Variants in VAV2 observed in about 807,000 individuals in gnomAD.
The protein encoded by VAV2 is guanine nucleotide exchange factor VAV2.
In VAV2, 67 loss-of-function variants were observed where a neutral mutation model predicts 132.5. The ratio of observed to expected loss-of-function variants is 0.51; its 90% confidence interval spans 0.42 to 0.62. The LOEUF (loss-of-function observed/expected upper bound fraction) is 0.62. Among genes scored for constraint, VAV2 ranks in the 20% least tolerant of loss-of-function variants. VAV2 has a pLI of 0.00. For missense variants in VAV2, 938 were observed against 1,153.6 expected (o/e 0.81, Z 2.71); for synonymous variants, 492 against 443.5 (o/e 1.11, Z -1.37).
intron 25 of VAV2, among the ~76,000 whole-genome samples, chr9:133,773,219 T>C (rs760983300): frequency 6.6e-6 from 1 of 151,548 alleles, no homozygotes; most frequent in Non-Finnish European, 1.5e-5. Context: ...GCAAAGCCTA[T>C]TGCTCCCGGG....
At chr9:133,915,230 C>A (rs1486733106) in intron 2 of VAV2, among the ~76,000 whole-genome samples, 1 of 152,174 alleles carries the variant, frequency 6.6e-6, no homozygotes, top group African/African-American at 2.4e-5. Context: ...GTGGGGACAT[C>A]CACAGCTGGA....
chr9:133,874,591 C>G (rs1362525550), intron 2 of VAV2, among the ~76,000 whole-genome samples: 6 of 152,122 alleles, frequency 3.9e-5, no homozygotes, highest in Admixed American at 3.9e-4. Flanking sequence ...GACCTTGAGG[C>G]CAAGGTGGGG....
At chr9:133,813,644 C>T (rs746904708) in intron 4 of VAV2, among the ~76,000 whole-genome samples, 8 of 152,348 alleles carry the variant, frequency 5.3e-5, no homozygotes, top group African/African-American at 1.7e-4. Context: ...TGGAGCCTCC[C>T]GCAGGCAGGC....
At chr9:133,805,785 G>A (rs1050460050) in intron 9 of VAV2, among the ~76,000 whole-genome samples, 7 of 151,544 alleles carry the variant, frequency 4.6e-5, no homozygotes, top group Admixed American at 3.9e-4. Context: ...CGAGATCTCC[G>A]CTGGGACAGC....
chr9:133,822,695 G>A (rs1230030236), intron 4 of VAV2, among the ~76,000 whole-genome samples: 1 of 152,184 alleles, frequency 6.6e-6, no homozygotes, highest in Non-Finnish European at 1.5e-5. Context: ...ATTCCCGGAA[G>A]GAGACCCGTC....
chr9:133,811,893 T>C (rs1440857573), intron 5 of VAV2, among the ~76,000 whole-genome samples: 4 of 151,878 alleles, frequency 2.6e-5, no homozygotes, highest in African/African-American at 7.3e-5. Flanking sequence ...GGGCACAGAG[T>C]GGACCAGGAG....
rs533671681 is a variant in VAV2, at chr9:133,979,453, G to A, written c.204+12622C>T. ...CCCAGAGGAGATGGGTCCCCAGGCA[G>A]GGGCTGCATGAGGACGGCTCGGCTC... is the stretch of plus-strand genomic sequence containing the variant. On this transcript the variant is annotated intron_variant, in intron 1 of 29. Coordinates refer to ENST00000371850, the MANE Select transcript of VAV2 (RefSeq NM_001134398.2). 2.1e-4 allele frequency among the ~76,000 whole-genome samples: 32 copies of A among 152,336 alleles called. No individual in the cohort carries two copies. In the South Asian group the frequency reaches 6.4e-3, roughly 31 times the overall value.
chr9:133,771,924 G>T, intron 26 of VAV2, 35 bp downstream of exon 26: 1 of 1,594,172 alleles, frequency 6.3e-7, no homozygotes, highest in East Asian at 2.2e-5. Flanking sequence ...CCCTGTGGCT[G>T]GGGTGGGAGC....
chr9:133,992,252 G>C lies in VAV2; in HGVS notation c.27C>G (p.Arg9=). ...GCAGGACCTTGCAATCGATGAGCCA[G>C]CGGCCGCACTGCCGCCACTGCTCCA... MEQWRQCG[R]WLIDCKVLPP... is the part of the protein sequence containing the mutation. The change falls in exon 1 of 30, where the codon CGC becomes CGG. Residue 9 remains arginine, a synonymous_variant. Coordinates refer to ENST00000371850, the MANE Select transcript of VAV2 (RefSeq NM_001134398.2). This position sits in a 1 kb window ranked among gnomAD's most constrained non-coding sequence, Gnocchi z 5.5. 2 of 1,574,616 alleles carry C rather than the reference G, an allele frequency of 1.3e-6. No individual in the cohort carries two copies. Among genetic ancestry groups the C allele is most frequent in the Non-Finnish European group, 1.7e-6 (2 of 1,161,472 alleles).
rs965388283 is a variant in VAV2 at position 133,919,475 on chromosome 9, G to A, written c.321+19628C>T. On this transcript the variant is annotated intron_variant, in intron 2 of 29. Transcript: ENST00000371850. This position sits in a 1 kb window ranked among gnomAD's most constrained non-coding sequence, Gnocchi z 5.8. The stretch of plus-strand genomic sequence containing the variant: ...GGGTTCCAGGAGCCCAGGTGTCCCG[G>A]CTCCCAGCCCAGGGACTCACTGTCC... Among the ~76,000 whole-genome samples, 1 of 152,150 alleles carries A rather than the reference G, an allele frequency of 6.6e-6. No homozygotes were observed. The highest frequency in any genetic ancestry group is 1.5e-5 in the Non-Finnish European group (1 of 68,014).
At chr9:133,807,745 G>A (rs1346305153) in intron 7 of VAV2, among the ~76,000 whole-genome samples, 2 of 152,238 alleles carry the variant, frequency 1.3e-5, no homozygotes, top group Non-Finnish European at 2.9e-5. Context: ...GTGCTCCTGA[G>A]CATGACCCCA....
In VAV2 at chr9:133,763,648, T is replaced by C. The variant is rs509590; in HGVS notation, c.*414A>G. ...GAGTCCAGGGGCTGAGCAGAGGGTG[T>C]GGGGGCAGGTCCCCTCCGATGTCCC... On this transcript the variant is annotated 3_prime_UTR_variant, in exon 30 of 30. Coordinates refer to ENST00000371850, the MANE Select transcript of VAV2 (RefSeq NM_001134398.2). The surrounding 1 kb of genome is among the most constrained non-coding windows in gnomAD (Gnocchi z 6.8). 93,886 of 206,800 alleles carry C rather than the reference T, an allele frequency of 0.45. 24,349 individuals are homozygous for C. The highest frequency in any genetic ancestry group is 0.88 in the East Asian group (6,363 of 7,212). The allele number at this position is 206,800 out of a possible 1,614,324, so 12.8% of individuals were successfully genotyped here. A position where few individuals can be genotyped will look rare whatever the true frequency, so the allele number is the denominator to read the frequency against.
intron 3 of VAV2, among the ~76,000 whole-genome samples, chr9:133,850,571 C>T (rs750595355): frequency 5.9e-5 from 9 of 152,214 alleles, no homozygotes; most frequent in Non-Finnish European, 8.8e-5. Flanking sequence ...GAAAGTGATG[C>T]TTTCTGGGCC....
chr9:133,955,322 C>T (rs1011673307), intron 1 of VAV2, among the ~76,000 whole-genome samples: 1 of 151,834 alleles, frequency 6.6e-6, no homozygotes, highest in Non-Finnish European at 1.5e-5. Context: ...GATGCCAAGG[C>T]GAGGCTCCTG....
At chr9:133,793,561 A>AC (rs1022351689) in intron 12 of VAV2, among the ~76,000 whole-genome samples, 21 of 151,012 alleles carry the variant, frequency 1.4e-4, no homozygotes, top group African/African-American at 5.1e-4. Flanking sequence ...GCTCAGGACC[A>AC]CCCCCCTCCC....
Position 133,863,674 on chromosome 9 carries a change from G to A in VAV2, c.322-2242C>T, listed in dbSNP as rs551126417. ...ATCGATGGGGCAGCCCCTTCCATGG[G>A]TTCAGCATGGCCAGCTATGCTGGAG... On this transcript the variant is annotated intron_variant, in intron 2 of 29. Transcript: ENST00000371850. This position sits in a 1 kb window ranked among gnomAD's most constrained non-coding sequence, Gnocchi z 5.0. 1.3e-5 allele frequency among the ~76,000 whole-genome samples: 2 copies of A among 152,172 alleles called. No individual in the cohort carries two copies. Among genetic ancestry groups the A allele is most frequent in the Non-Finnish European group, 2.9e-5 (2 of 68,024 alleles).
intron 4 of VAV2, among the ~76,000 whole-genome samples, chr9:133,816,879 T>C (rs191655433): frequency 2.0e-4 from 30 of 152,380 alleles, no homozygotes; most frequent in Non-Finnish European, 3.4e-4. Flanking sequence ...CTAACACTTC[T>C]GTGTCTTGAT....
chr9:133,987,659 G>T (rs953561509), intron 1 of VAV2, among the ~76,000 whole-genome samples: 4 of 152,204 alleles, frequency 2.6e-5, no homozygotes. Context: ...AGGCCACCAG[G>T]ACGATGTGGG....
chr9:133,771,742 A>G (rs1833635024), intron 26 of VAV2, among the ~76,000 whole-genome samples: 1 of 152,192 alleles, frequency 6.6e-6, no homozygotes, highest in Non-Finnish European at 1.5e-5. Context: ...ACCAGGGTCA[A>G]CCACCTTGCT....
Sources: gnomAD v4.1 joint callset for allele counts (sites outside exome capture counted in the v4.1 genomes callset) on GRCh38, gnomAD v4.1.1 for gene constraint, Gnocchi (gnomAD v3.1) non-coding constraint, MANE v1.5 for transcripts, NCBI Gene and HGNC (gene_info 2026-07-23, HGNC 2026-07-21) for gene names.